GARNL3: variants seen among roughly 807,000 people sequenced by gnomAD.
The protein encoded by GARNL3 is GTPase-activating Rap/Ran-GAP domain-like protein 3.
In GARNL3, 63 loss-of-function variants were observed where a neutral mutation model predicts 125.0. The observed-to-expected ratio is 0.50, with a 90% CI of 0.41 to 0.62. The LOEUF is 0.62. Ranked by LOEUF, GARNL3 falls within the 20% of genes least tolerant of loss-of-function variation. The pLI is 0.00. For missense variants in GARNL3, 994 were observed against 1,244.0 expected (o/e 0.80, Z 3.02); for synonymous variants, 439 against 457.5 (o/e 0.96, Z 0.52).
chr9:127,355,568 C>A, intron 20 of GARNL3, 96 bp downstream of exon 20: 2 of 1,202,558 alleles, frequency 1.7e-6, no homozygotes, highest in Admixed American at 3.5e-5. Flanking sequence ...TGAGGTTGTC[C>A]CACTGTTTAG....
intron 22 of GARNL3, chr9:127,367,271 G>A (rs1034429667): frequency 6.6e-6 from 1 of 152,184 alleles, no homozygotes; most frequent in African/African-American, 2.4e-5. Flanking sequence ...GATCACAGAC[G>A]CCTGTACAAT....
chr9:127,375,467 G>GAA (rs1176190521), intron 22 of GARNL3, among the ~76,000 whole-genome samples: 269 of 78,044 alleles, frequency 3.4e-3, no homozygotes, highest in African/African-American at 0.011. Flanking sequence ...CTCTGTCTCA[G>GAA]AAAAAAAAAA....
intron 1 of GARNL3, among the ~76,000 whole-genome samples, chr9:127,285,843 T>A (rs954791075): frequency 6.6e-6 from 1 of 152,230 alleles, no homozygotes; most frequent in Non-Finnish European, 1.5e-5. Flanking sequence ...CCTAGAATAT[T>A]TTTTACTTTG....
At chr9:127,373,553 C>T (rs1831719637) in intron 22 of GARNL3, among the ~76,000 whole-genome samples, 1 of 152,070 alleles carries the variant, frequency 6.6e-6, no homozygotes, top group Admixed American at 6.6e-5. Flanking sequence ...TCTCTTGAGG[C>T]CAGGAGTTCA....
At chr9:127,241,205 C>T (rs922653119) in intron 1 of GARNL3, among the ~76,000 whole-genome samples, 3 of 152,164 alleles carry the variant, frequency 2.0e-5, no homozygotes, top group Non-Finnish European at 4.4e-5. Flanking sequence ...CCTGCTTCCT[C>T]CACTCCCTCA....
chr9:127,387,459 C>T, intron 25 of GARNL3, 128 bp downstream of exon 25: 1 of 989,134 alleles, frequency 1.0e-6, no homozygotes. Flanking sequence ...AAAAAAGAAA[C>T]TAGCTGAGCG....
chr9:127,312,991 A>G (rs1227654381), intron 3 of GARNL3, among the ~76,000 whole-genome samples: 1 of 152,102 alleles, frequency 6.6e-6, no homozygotes, highest in East Asian at 1.9e-4. Flanking sequence ...GGCTTGGGGG[A>G]TTCAGAGGCC....
chr9:127,355,491 T>C lies in GARNL3; in HGVS notation c.1935+19T>C. On this transcript the variant is annotated intron_variant, in intron 20 of 27. Coordinates refer to ENST00000373387, the MANE Select transcript of GARNL3 (RefSeq NM_032293.5). ...CATCAGGGTAGGTTTGCTCTTTAAA[T>C]CATTTATCTCCCAACCAAGTTGTCT... The C allele has an allele frequency of 6.2e-7, 1 of 1,610,636 alleles. No individual in the cohort carries two copies. The highest frequency in any genetic ancestry group is 8.5e-7 in the Non-Finnish European group (1 of 1,176,894).
In GARNL3 at chr9:127,392,973, T is replaced by G; in HGVS notation, c.2871-110T>G. The G allele has an allele frequency of 3.5e-6, 3 of 853,596 alleles. No homozygotes were observed. The highest frequency in any genetic ancestry group is 1.9e-5 in the South Asian group (1 of 52,102). 52.9% of individuals were successfully genotyped at this position (853,596 alleles called of 1,614,324 possible). A position where few individuals can be genotyped will look rare whatever the true frequency, so the allele number is the denominator to read the frequency against. On this transcript the variant is annotated intron_variant, in intron 27 of 27. Transcript: ENST00000373387. The surrounding 1 kb of genome is among the most constrained non-coding windows in gnomAD (Gnocchi z 5.2). ...CACCTCTACCACATAACAGTGAGGG[T>G]TTGGTGAGCCAAACTCATGAGCTCA...
At chr9:127,246,696 A>G (rs1249140748) in intron 2 of GARNL3, among the ~76,000 whole-genome samples, 1 of 152,130 alleles carries the variant, frequency 6.6e-6, no homozygotes, top group African/African-American at 2.4e-5. Context: ...AGTCCCAGCT[A>G]CGTGGGAGGC....
intron 22 of GARNL3, among the ~76,000 whole-genome samples, chr9:127,380,986 C>T (rs1470668414): frequency 5.3e-5 from 8 of 152,220 alleles, no homozygotes. Context: ...TCAAGTGATT[C>T]TCCTGCCTCA....
chr9:127,370,126 TA>T (rs1467160729), intron 22 of GARNL3, among the ~76,000 whole-genome samples: 1 of 152,212 alleles, frequency 6.6e-6, no homozygotes, highest in Non-Finnish European at 1.5e-5. Flanking sequence ...ATAACTGTTT[TA>T]CAAGGCACAG....
intron 1 of GARNL3, among the ~76,000 whole-genome samples, chr9:127,283,458 A>G (rs1447505854): frequency 6.6e-6 from 1 of 152,114 alleles, no homozygotes; most frequent in Non-Finnish European, 1.5e-5. Context: ...ATCACTTGAG[A>G]CTAAGAGTTC....
At chr9:127,366,664 A>G (rs1831302113) in intron 22 of GARNL3, 1 of 152,248 alleles carries the variant, frequency 6.6e-6, no homozygotes, top group South Asian at 2.1e-4. Context: ...GTGGAAGAGA[A>G]GTTAAGAACA....
intron 2 of GARNL3, among the ~76,000 whole-genome samples, chr9:127,305,963 G>T (rs2064942468): frequency 6.6e-6 from 1 of 152,086 alleles, no homozygotes; most frequent in Admixed American, 6.6e-5. Flanking sequence ...GCATGCCAGT[G>T]CCTCTGGAGT....
At position 127,280,568 on chromosome 9, in the gene GARNL3, G is replaced by A. The variant is rs1235870984; in HGVS notation, c.145-10600G>A. On this transcript the variant is annotated intron_variant, in intron 1 of 27. Coordinates refer to ENST00000373387, the MANE Select transcript of GARNL3 (RefSeq NM_032293.5). This position sits in a 1 kb window ranked among gnomAD's most constrained non-coding sequence, Gnocchi z 4.5. ...AGCAACAAAGCCAGACACCAAATAC[G>A]TTTCTCGATTCTTCTCCATTGGCCG... is the stretch of plus-strand genomic sequence containing the variant. Among the ~76,000 whole-genome samples, 3 of 152,134 alleles carry A rather than the reference G, an allele frequency of 2.0e-5. No homozygotes were observed. Among genetic ancestry groups the A allele is most frequent in the Non-Finnish European group, 1.5e-5 (1 of 68,036 alleles).
chr9:127,264,062 A>G, upstream of GARNL3: 1 of 989,424 alleles, frequency 1.0e-6, no homozygotes, highest in Non-Finnish European at 1.5e-6. Context: ...TAAACATGTT[A>G]TTCCTATATA....
At chr9:127,309,068 A>T (rs1236558805) in intron 2 of GARNL3, among the ~76,000 whole-genome samples, 1 of 152,218 alleles carries the variant, frequency 6.6e-6, no homozygotes, top group African/African-American at 2.4e-5. Context: ...CTAGTTTTTT[A>T]AAATTCCAGA....
intron 1 of GARNL3, among the ~76,000 whole-genome samples, chr9:127,285,397 TG>T (rs2064221447): frequency 6.6e-6 from 1 of 152,254 alleles, no homozygotes. Flanking sequence ...CACTCCAGCC[TG>T]GGCAACAAGA....
Sources: gnomAD v4.1 joint callset for allele counts (sites outside exome capture counted in the v4.1 genomes callset) on GRCh38, gnomAD v4.1.1 for gene constraint, Gnocchi (gnomAD v3.1) non-coding constraint, MANE v1.5 for transcripts, NCBI Gene and HGNC (gene_info 2026-07-23, HGNC 2026-07-21) for gene names.